TRHDE: variants seen among roughly 807,000 people sequenced by gnomAD.
TRHDE encodes the protein thyrotropin-releasing hormone-degrading ectoenzyme.
A neutral mutation model predicts 125.7 loss-of-function variants in TRHDE; 72 were observed. That is an observed-to-expected ratio of 0.57 (90% confidence interval 0.47 to 0.70). The LOEUF (loss-of-function observed/expected upper bound fraction) is 0.70, where lower values mean the gene tolerates loss of function less well. Among genes scored for constraint, TRHDE ranks in the 30% least tolerant of loss-of-function variants. The pLI, the probability that TRHDE is intolerant of heterozygous loss-of-function variation, is 0.00. For synonymous variants in TRHDE, 509 were observed against 509.1 expected (o/e 1.00, Z 0.00); for missense variants, 1,110 against 1,327.1 (o/e 0.84, Z 2.54).
intron 3 of TRHDE, among the ~76,000 whole-genome samples, chr12:72,453,450 A>G (rs1273550948): frequency 6.6e-6 from 1 of 152,182 alleles, no homozygotes; most frequent in Non-Finnish European, 1.5e-5. Context: ...AATAAGTTGG[A>G]ATTTATATTT....
intron 3 of TRHDE, among the ~76,000 whole-genome samples, chr12:72,468,733 G>C (rs1422866672): frequency 1.3e-5 from 2 of 152,198 alleles, no homozygotes; most frequent in Admixed American, 6.5e-5. Flanking sequence ...TTTGGCTTTG[G>C]AAGGATCTGC....
At chr12:72,550,006 C>T (rs908068514) in intron 7 of TRHDE, among the ~76,000 whole-genome samples, 3 of 151,782 alleles carry the variant, frequency 2.0e-5, no homozygotes, top group Non-Finnish European at 4.4e-5. Flanking sequence ...ATTTGTCTAG[C>T]TCAACAGGAG....
At chr12:72,279,646 A>T (rs976039542) in intron 1 of TRHDE, among the ~76,000 whole-genome samples, 7 of 152,208 alleles carry the variant, frequency 4.6e-5, no homozygotes, top group African/African-American at 1.7e-4. Context: ...AAACAGGCAC[A>T]GCTGTATGGT....
chr12:72,166,227 T>C (rs558816551), intron 2 of TRHDE, among the ~76,000 whole-genome samples: 2 of 152,330 alleles, frequency 1.3e-5, no homozygotes, highest in Admixed American at 1.3e-4. Flanking sequence ...TATAATCTTA[T>C]GGGACCACTG....
rs952881161 is a variant in TRHDE at position 72,639,938 on chromosome 12, G to A, written c.2676-12384G>A. 1.5e-3 allele frequency among the ~76,000 whole-genome samples: 207 copies of A among 140,410 alleles called. 2 individuals carry two copies. The highest frequency in any genetic ancestry group is 2.6e-3 in the Non-Finnish European group (166 of 65,052). The allele number at this position is 140,410 out of a possible 152,430, so 92.1% of individuals were successfully genotyped here. ...AGACAGGGACACTTAAGTCTGTAGAGGTTACTGCTGTCTTTTTGTTTGTCT... is the reference window on the plus strand; with the variant it reads ...AGACAGGGACACTTAAGTCTGTAGAAGTTACTGCTGTCTTTTTGTTTGTCT... On this transcript the variant is annotated intron_variant, in intron 15 of 18. Transcript: ENST00000261180.
chr12:72,492,922 CA>C (rs1467191558), intron 5 of TRHDE, among the ~76,000 whole-genome samples: 1 of 151,884 alleles, frequency 6.6e-6, no homozygotes, highest in Non-Finnish European at 1.5e-5. Context: ...TCTACTCCCA[CA>C]GTATTTTATA....
chr12:72,301,822 T>G (rs1868264205), intron 2 of TRHDE, among the ~76,000 whole-genome samples: 1 of 151,638 alleles, frequency 6.6e-6, no homozygotes, highest in Non-Finnish European at 1.5e-5. Context: ...GTAGGTAGGG[T>G]GGGGGAGAAT....
chr12:72,390,620 A>G (rs12312988), intron 3 of TRHDE, among the ~76,000 whole-genome samples: 12,229 of 152,094 alleles, frequency 0.08, 1,145 homozygotes, highest in African/African-American at 0.22. Flanking sequence ...GTCAAAATAC[A>G]TTTTTTTCTT....
At chr12:72,156,298 C>T (rs1412350893) in intron 2 of TRHDE, among the ~76,000 whole-genome samples, 1 of 152,200 alleles carries the variant, frequency 6.6e-6, no homozygotes, top group Non-Finnish European at 1.5e-5. Flanking sequence ...TCTGTCACCC[C>T]TTTCTTTGAC....
intron 12 of TRHDE, among the ~76,000 whole-genome samples, chr12:72,590,244 A>G (rs920050816): frequency 6.6e-6 from 1 of 152,030 alleles, no homozygotes; most frequent in Non-Finnish European, 1.5e-5. Flanking sequence ...ATGATTTCAA[A>G]CTTTATATTT....
chr12:72,534,828 G>C (rs572847240), intron 6 of TRHDE, among the ~76,000 whole-genome samples: 1 of 151,766 alleles, frequency 6.6e-6, no homozygotes, highest in Non-Finnish European at 1.5e-5. Context: ...GATCACAAAG[G>C]ATTAACATTG....
At chr12:72,548,823 CCA>C (rs1186640771) in intron 7 of TRHDE, among the ~76,000 whole-genome samples, 1 of 151,520 alleles carries the variant, frequency 6.6e-6, no homozygotes, top group African/African-American at 2.4e-5. Context: ...CCTAGTAGTA[CCA>C]TTCTTCATGT....
intron 7 of TRHDE, among the ~76,000 whole-genome samples, chr12:72,556,274 A>T (rs190530893): frequency 1.3e-5 from 2 of 152,206 alleles, no homozygotes; most frequent in East Asian, 1.9e-4. Context: ...GGGTTGTATT[A>T]TGCAAGCAAC....
chr12:72,663,314 G>A lies in TRHDE; in HGVS notation c.*119G>A, dbSNP rs1027334434. 4 of 755,812 alleles carry A rather than the reference G, an allele frequency of 5.3e-6. No individual in the cohort carries two copies. Among genetic ancestry groups the A allele is most frequent in the Non-Finnish European group, 5.6e-6 (3 of 531,964 alleles). The allele number at this position is 755,812 out of a possible 1,614,324, so 46.8% of individuals were successfully genotyped here. A position where few individuals can be genotyped will look rare whatever the true frequency, so the allele number is the denominator to read the frequency against. ...CCAGATTTTCAGTGTTAACGTGTGGGAGGAATTTTTTTTTTAGTTTTTATT... is the reference window on the plus strand; with the variant it reads ...CCAGATTTTCAGTGTTAACGTGTGGAAGGAATTTTTTTTTTAGTTTTTATT... On this transcript the variant is annotated 3_prime_UTR_variant, in exon 19 of 19. Transcript: ENST00000261180.
intron 2 of TRHDE, among the ~76,000 whole-genome samples, chr12:72,343,474 AAGTTAAAT>A (rs1462121095): frequency 6.6e-6 from 1 of 152,116 alleles, no homozygotes; most frequent in Non-Finnish European, 1.5e-5. Context: ...TTGAGTTGCA[AAGTTAAAT>A]ATCATTAAGA....
At chr12:72,111,368 A>G (rs1369431222) in intron 2 of TRHDE, among the ~76,000 whole-genome samples, 2 of 152,176 alleles carry the variant, frequency 1.3e-5, no homozygotes, top group Non-Finnish European at 2.9e-5. Context: ...TCAGTTTCTC[A>G]TACTATTTAA....
chr12:72,336,869 C>T (rs1355610194), intron 2 of TRHDE, among the ~76,000 whole-genome samples: 1 of 152,132 alleles, frequency 6.6e-6, no homozygotes, highest in Non-Finnish European at 1.5e-5. Flanking sequence ...TTATTAGGCC[C>T]CACCTCCCAA....
At chr12:72,096,505 G>C (rs1314864102) in intron 1 of TRHDE, among the ~76,000 whole-genome samples, 2 of 152,146 alleles carry the variant, frequency 1.3e-5, no homozygotes, top group Non-Finnish European at 2.9e-5. Context: ...CCTATTGAAG[G>C]CTAAGATCAC....
intron 2 of TRHDE, among the ~76,000 whole-genome samples, chr12:72,130,098 G>C (rs761636076): frequency 5.9e-5 from 9 of 151,996 alleles, no homozygotes; most frequent in Admixed American, 2.6e-4. Context: ...TCAGGAGTTT[G>C]AGACCAGCCT....
Sources: allele counts gnomAD v4.1 joint callset (sites outside exome capture counted in the v4.1 genomes callset), GRCh38; gene constraint gnomAD v4.1.1; transcripts MANE v1.5; gene names NCBI Gene and HGNC (gene_info 2026-07-23, HGNC 2026-07-21).